RBFOX3: variants seen among roughly 807,000 people sequenced by gnomAD.
RBFOX3 encodes the protein RNA binding fox-1 homolog 3.
In RBFOX3, 17 loss-of-function variants were observed where a neutral mutation model predicts 48.7. The ratio of observed to expected loss-of-function variants is 0.35; its 90% confidence interval spans 0.24 to 0.52. The LOEUF is 0.52. RBFOX3 is among the 20% of genes least tolerant of loss of function. RBFOX3 has a pLI of 0.94. For synonymous variants in RBFOX3, 212 were observed against 209.5 expected, an observed-to-expected ratio of 1.01 and a Z score of -0.10; for missense variants, 382 against 497.5, an observed-to-expected ratio of 0.77 and a Z score of 2.21.
intron 3 of RBFOX3, among the ~76,000 whole-genome samples, chr17:79,266,875 G>A (rs2066796795): frequency 6.6e-6 from 1 of 152,130 alleles, no homozygotes; most frequent in African/African-American, 2.4e-5. Context: ...TGAGGGCATA[G>A]GAGCTCCGCG....
intron 2 of RBFOX3, among the ~76,000 whole-genome samples, chr17:79,434,459 G>A (rs1555730036): frequency 6.6e-6 from 1 of 152,206 alleles, no homozygotes; most frequent in Non-Finnish European, 1.5e-5. Context: ...CTTCCAAGGA[G>A]GAGGAGTCTG....
chr17:79,360,272 G>A (rs2086058566), intron 2 of RBFOX3, among the ~76,000 whole-genome samples: 1 of 152,132 alleles, frequency 6.6e-6, no homozygotes, highest in Non-Finnish European at 1.5e-5. Context: ...GCAAAGCGAG[G>A]GTGCAGCAGT....
intron 3 of RBFOX3, among the ~76,000 whole-genome samples, chr17:79,248,899 C>T (rs2063535916): frequency 6.6e-6 from 1 of 152,248 alleles, no homozygotes. Context: ...GGCCTCAGAG[C>T]TCTGCAGCTC....
intron 3 of RBFOX3, among the ~76,000 whole-genome samples, chr17:79,293,639 G>T (rs1381573879): frequency 6.6e-6 from 1 of 152,064 alleles, no homozygotes; most frequent in African/African-American, 2.4e-5. Context: ...TTTTAGTAGA[G>T]ACGGGGTTTC....
the RBFOX3 span, among the ~76,000 whole-genome samples, chr17:79,656,737 A>C: frequency 1.1e-5 from 1 of 89,196 alleles, no homozygotes; most frequent in East Asian, 3.2e-4. Context: ...AAGAAAGAAA[A>C]GAAAGAAAGA....
intron 1 of RBFOX3, among the ~76,000 whole-genome samples, chr17:79,515,359 T>TC (rs1343733934): frequency 6.6e-6 from 1 of 151,960 alleles, no homozygotes; most frequent in East Asian, 1.9e-4. Flanking sequence ...ATCCAGCCAC[T>TC]CCCCCATCTG....
In RBFOX3 at chr17:79,391,693, T is replaced by C. The variant is rs78654555; in HGVS notation, c.-174-83869A>G. ...TTGCCTGCCTGTGCATCCACATATATGTGCGTGTGAGCGTGTGTGGGCACA... is the reference window on the plus strand; with the variant it reads ...TTGCCTGCCTGTGCATCCACATATACGTGCGTGTGAGCGTGTGTGGGCACA... On this transcript the variant is annotated intron_variant, in intron 2 of 14. Coordinates refer to ENST00000693108, the MANE Select transcript of RBFOX3 (RefSeq NM_001350451.2). This position sits in a 1 kb window ranked among gnomAD's most constrained non-coding sequence, Gnocchi z 5.0. Among the ~76,000 whole-genome samples, 15,323 of 152,144 alleles carry C rather than the reference T, an allele frequency of 0.1. 908 individuals are homozygous for C. The highest frequency in any genetic ancestry group is 0.18 in the East Asian group (952 of 5,162).
intron 9 of RBFOX3, among the ~76,000 whole-genome samples, chr17:79,101,172 C>T (rs562830017): frequency 7.2e-5 from 11 of 152,308 alleles, no homozygotes; most frequent in African/African-American, 2.6e-4. Flanking sequence ...CCTCACTGCC[C>T]TCCCTGAGCC....
intron 4 of RBFOX3, among the ~76,000 whole-genome samples, chr17:79,171,371 G>A (rs1018583029): frequency 8.5e-5 from 13 of 152,214 alleles, no homozygotes; most frequent in Non-Finnish European, 2.9e-5. Flanking sequence ...ACTGGCCAAC[G>A]TTTTCTACGA....
rs1021221928 is a variant in RBFOX3 at position 79,535,093 on chromosome 17, G to A, written c.-319-52495C>T. Among the ~76,000 whole-genome samples the A allele has an allele frequency of 5.3e-5, 8 of 152,194 alleles. No homozygotes were observed. The highest frequency in any genetic ancestry group is 8.8e-5 in the Non-Finnish European group (6 of 68,024). On this transcript the variant is annotated intron_variant, in intron 1 of 14. Coordinates refer to ENST00000693108, the MANE Select transcript of RBFOX3 (RefSeq NM_001350451.2). The surrounding 1 kb of genome is among the most constrained non-coding windows in gnomAD (Gnocchi z 4.5). ...AGGAAGCGTGCCAGTCACATGACGG[G>A]AAGTCCAGGCTGTGGCAGCTGCGGG...
intron 4 of RBFOX3, among the ~76,000 whole-genome samples, chr17:79,160,405 C>T (rs2046739807): frequency 6.6e-6 from 1 of 152,236 alleles, no homozygotes; most frequent in Non-Finnish European, 1.5e-5. Flanking sequence ...AGAGACCCAA[C>T]GTGGTCTCTG....
chr17:79,201,715 GC>G (rs2056784788), intron 4 of RBFOX3, among the ~76,000 whole-genome samples: 2 of 152,118 alleles, frequency 1.3e-5, no homozygotes, highest in African/African-American at 4.8e-5. Flanking sequence ...GTGGCCCATG[GC>G]CCCCATGCCC....
intron 4 of RBFOX3, among the ~76,000 whole-genome samples, chr17:79,137,716 A>C (rs2040578221): frequency 6.6e-6 from 1 of 152,200 alleles, no homozygotes; most frequent in Non-Finnish European, 1.5e-5. Context: ...TGGCTCATGG[A>C]AGAGGCGAGT....
chr17:79,525,984 C>T (rs929661873), intron 1 of RBFOX3, among the ~76,000 whole-genome samples: 42 of 152,196 alleles, frequency 2.8e-4, no homozygotes, highest in African/African-American at 9.7e-4. Context: ...GCCATTGGCT[C>T]TGCTGCGGCT....
chr17:79,309,296 G>A (rs931691428), intron 2 of RBFOX3, among the ~76,000 whole-genome samples: 4 of 152,006 alleles, frequency 2.6e-5, no homozygotes, highest in Admixed American at 1.3e-4. Flanking sequence ...TGGGGTCTCC[G>A]CTGAAACTTT....
chr17:79,115,373 G>A, intron 5 of RBFOX3, 121 bp downstream of exon 5: 1 of 538,504 alleles, frequency 1.9e-6, no homozygotes, highest in Non-Finnish European at 2.8e-6. Context: ...CACACACAGA[G>A]GCCCTGCCCA....
chr17:79,109,171 G>C (rs1209044261), intron 5 of RBFOX3, among the ~76,000 whole-genome samples: 1 of 152,200 alleles, frequency 6.6e-6, no homozygotes, highest in Non-Finnish European at 1.5e-5. Context: ...GTGGAAAATG[G>C]TCATGGCTCT....
intron 5 of RBFOX3, among the ~76,000 whole-genome samples, chr17:79,109,552 C>T (rs575055186): frequency 6.6e-6 from 1 of 152,352 alleles, no homozygotes; most frequent in African/African-American, 2.4e-5. Context: ...GAGGGGACGA[C>T]CTTACCCCTG....
intron 2 of RBFOX3, among the ~76,000 whole-genome samples, chr17:79,326,716 C>T (rs1333057970): frequency 1.3e-5 from 2 of 152,188 alleles, no homozygotes; most frequent in Admixed American, 6.5e-5. Flanking sequence ...CCCGACATGT[C>T]TCCTCTGGGC....
Sources: gnomAD v4.1 joint callset for allele counts (sites outside exome capture counted in the v4.1 genomes callset) on GRCh38, gnomAD v4.1.1 for gene constraint, Gnocchi (gnomAD v3.1) non-coding constraint, MANE v1.5 for transcripts, NCBI Gene and HGNC (gene_info 2026-07-23, HGNC 2026-07-21) for gene names.